GRIN2B: variants seen among roughly 807,000 people sequenced by gnomAD.
GRIN2B encodes glutamate ionotropic receptor NMDA type subunit 2B, also known as glutamate receptor ionotropic, NMDA 2B.
GRIN2B carries 5 observed loss-of-function variants against 114.5 expected under a neutral mutation model. That is an observed-to-expected ratio of 0.04 (90% confidence interval 0.02 to 0.09). GRIN2B has a LOEUF of 0.09. Ranked by LOEUF, GRIN2B falls within the 10% of genes least tolerant of loss-of-function variation. GRIN2B has a pLI of 1.00. For synonymous variants in GRIN2B, 787 were observed against 745.1 expected (o/e 1.06, Z -0.92); for missense variants, 1,108 against 1,943.5 (o/e 0.57, Z 8.08).
At position 13,564,148 on chromosome 12, in the gene GRIN2B, G is replaced by T. The variant is rs2136405464; in HGVS notation, c.3090C>A (p.Ser1030=). ...ACAGGTCACTGAGCTGGCTGTGCTTGGAGGAGGGGAGGCCGATGTCCAGGG... is the reference window on the plus strand; with the variant it reads ...ACAGGTCACTGAGCTGGCTGTGCTTTGAGGAGGGGAGGCCGATGTCCAGGG... ...KKPLDIGLPS[S]KHSQLSDLYG... Residue 1030 remains serine (S), a synonymous_variant, in exon 14 of 14, where the codon TCC becomes TCA. Coordinates refer to ENST00000609686, the MANE Select transcript of GRIN2B (RefSeq NM_000834.5). The surrounding 1 kb of genome is among the most constrained non-coding windows in gnomAD (Gnocchi z 4.8). 6.2e-7 allele frequency: 1 copy of T among 1,614,140 alleles called. No homozygotes were observed. The highest frequency in any genetic ancestry group is 8.5e-7 in the Non-Finnish European group (1 of 1,180,006).
Position 13,962,838 on chromosome 12 carries a change from T to C in GRIN2B, c.-19+17090A>G, listed in dbSNP as rs79063999. 2.5e-3 allele frequency among the ~76,000 whole-genome samples: 386 copies of C among 152,214 alleles called. 2 individuals carry two copies. The highest frequency in any genetic ancestry group is 3.5e-3 in the Non-Finnish European group (235 of 68,000). Reference sequence around the variant, plus strand: ...ATTCTCCCCCAGAAGAGTGCCAAAATTGCTGCCACCTCGTCGTCCGCTAGG... The same window carrying C: ...ATTCTCCCCCAGAAGAGTGCCAAAACTGCTGCCACCTCGTCGTCCGCTAGG... On this transcript the variant is annotated intron_variant, in intron 2 of 13. Transcript: ENST00000609686.
At chr12:13,700,092 A>G (rs1345910688) in intron 4 of GRIN2B, among the ~76,000 whole-genome samples, 1 of 152,086 alleles carries the variant, frequency 6.6e-6, no homozygotes, top group Admixed American at 6.5e-5. Flanking sequence ...AAGGGCAGTA[A>G]TACGCTGTCT....
At chr12:13,835,523 C>G (rs191493180) in intron 3 of GRIN2B, among the ~76,000 whole-genome samples, 2 of 152,020 alleles carry the variant, frequency 1.3e-5, no homozygotes, top group African/African-American at 4.8e-5. Flanking sequence ...AGAAAAAAAA[C>G]AGGCATCAGG....
At chr12:13,822,776 G>A (rs1039583820) in intron 3 of GRIN2B, among the ~76,000 whole-genome samples, 1 of 128,062 alleles carries the variant, frequency 7.8e-6, no homozygotes, top group African/African-American at 3.1e-5. Context: ...TTTTGATATA[G>A]GAACAAAGCC....
chr12:13,969,655 A>G (rs1220956361), intron 2 of GRIN2B, among the ~76,000 whole-genome samples: 2 of 152,244 alleles, frequency 1.3e-5, no homozygotes, highest in Non-Finnish European at 2.9e-5. Flanking sequence ...TAAAGGATAT[A>G]CAAATTCTGA....
At chr12:13,568,879 G>A (rs1948672942) in intron 12 of GRIN2B, among the ~76,000 whole-genome samples, 1 of 152,210 alleles carries the variant, frequency 6.6e-6, no homozygotes, top group Non-Finnish European at 1.5e-5. Context: ...CTGCTGCCAG[G>A]ATGATACTGG....
intron 10 of GRIN2B, among the ~76,000 whole-genome samples, chr12:13,603,081 C>T (rs1949185417): frequency 6.6e-6 from 1 of 152,184 alleles, no homozygotes. Context: ...TGCCACCATT[C>T]TCCACCATCC....
At chr12:13,887,536 G>A (rs1436526148) in intron 2 of GRIN2B, among the ~76,000 whole-genome samples, 1 of 152,186 alleles carries the variant, frequency 6.6e-6, no homozygotes, top group Non-Finnish European at 1.5e-5. Context: ...AAGATAGCAT[G>A]AATGGAAGTA....
chr12:13,738,732 T>TA (rs368006101), intron 4 of GRIN2B, among the ~76,000 whole-genome samples: 4,343 of 148,986 alleles, frequency 0.029, 198 homozygotes, highest in African/African-American at 0.098. Context: ...ATAACCGAGG[T>TA]AAAAAAAAAA....
chr12:13,617,188 G>A (rs1949455808), intron 5 of GRIN2B, among the ~76,000 whole-genome samples: 1 of 152,232 alleles, frequency 6.6e-6, no homozygotes, highest in Non-Finnish European at 1.5e-5. Flanking sequence ...GATCCAGTGG[G>A]GAGAGCTAGG....
At chr12:13,630,512 G>A (rs756953534) in intron 5 of GRIN2B, among the ~76,000 whole-genome samples, 7 of 152,180 alleles carry the variant, frequency 4.6e-5, no homozygotes, top group Non-Finnish European at 7.3e-5. Context: ...GCGATAGTCA[G>A]TGGGTCTTGT....
intron 4 of GRIN2B, among the ~76,000 whole-genome samples, chr12:13,735,869 C>T (rs1863169612): frequency 6.6e-6 from 1 of 150,650 alleles, no homozygotes; most frequent in African/African-American, 2.5e-5. Flanking sequence ...GGATCCTTTC[C>T]CAGGGTTCGG....
At chr12:13,895,570 G>C (rs1866338635) in intron 2 of GRIN2B, among the ~76,000 whole-genome samples, 1 of 152,120 alleles carries the variant, frequency 6.6e-6, no homozygotes, top group African/African-American at 2.4e-5. Flanking sequence ...AGTTTGAAAG[G>C]CTAAGAATTT....
chr12:13,964,848 TC>T (rs1306048811), intron 2 of GRIN2B, among the ~76,000 whole-genome samples: 1 of 152,240 alleles, frequency 6.6e-6, no homozygotes, highest in Non-Finnish European at 1.5e-5. Flanking sequence ...CAAAGCTGAC[TC>T]GCAGAACACC....
At chr12:13,741,190 C>T (rs1029774860) in intron 4 of GRIN2B, among the ~76,000 whole-genome samples, 3 of 152,078 alleles carry the variant, frequency 2.0e-5, no homozygotes, top group East Asian at 1.9e-4. Context: ...CCACCACGCC[C>T]GGCTAATTTT....
At chr12:13,765,630 T>G (rs1863768047) in intron 3 of GRIN2B, among the ~76,000 whole-genome samples, 1 of 152,242 alleles carries the variant, frequency 6.6e-6, no homozygotes, top group South Asian at 2.1e-4. Flanking sequence ...TCTAATTCAT[T>G]TCTTATAGTT....
intron 2 of GRIN2B, among the ~76,000 whole-genome samples, chr12:13,925,374 A>G (rs1866895217): frequency 1.3e-5 from 2 of 152,244 alleles, no homozygotes. Context: ...AGACTCCAAC[A>G]AAAGGAGAGC....
intron 10 of GRIN2B, among the ~76,000 whole-genome samples, chr12:13,605,545 T>TGACA (rs1422595636): frequency 2.4e-4 from 15 of 63,614 alleles, no homozygotes; most frequent in Non-Finnish European, 3.4e-4. Flanking sequence ...TCTCTCTCTC[T>TGACA]CTCTCTGACA....
chr12:13,695,364 C>T (rs1591681334), intron 4 of GRIN2B, among the ~76,000 whole-genome samples: 1 of 152,226 alleles, frequency 6.6e-6, no homozygotes, highest in Non-Finnish European at 1.5e-5. Flanking sequence ...GAGGAAAACC[C>T]CATGAAAACA....
Sources: gnomAD v4.1 joint callset for allele counts (sites outside exome capture counted in the v4.1 genomes callset) on GRCh38, gnomAD v4.1.1 for gene constraint, Gnocchi (gnomAD v3.1) non-coding constraint, MANE v1.5 for transcripts, NCBI Gene and HGNC (gene_info 2026-07-23, HGNC 2026-07-21) for gene names.